Variants in DNAJC1 observed in about 807,000 individuals in gnomAD.
DNAJC1 encodes dnaJ homolog subfamily C member 1.
In DNAJC1, 58 loss-of-function variants were observed where a neutral mutation model predicts 76.6. That is an observed-to-expected ratio of 0.76 (90% CI 0.61 to 0.94). The LOEUF is 0.94. DNAJC1 is among the 40% of genes least tolerant of loss of function. The pLI, the probability that DNAJC1 is intolerant of heterozygous loss-of-function variation, is 0.00. For synonymous variants in DNAJC1, 258 were observed against 267.9 expected (o/e 0.96, Z 0.36); for missense variants, 689 against 677.3 (o/e 1.02, Z -0.19).
intron 8 of DNAJC1, among the ~76,000 whole-genome samples, chr10:21,826,620 A>G (rs577068838): frequency 6.6e-6 from 1 of 152,276 alleles, no homozygotes; most frequent in East Asian, 1.9e-4. Context: ...TTCTTCTACT[A>G]GTTTTATAAT....
chr10:21,832,848 T>TCA (rs1157751178), intron 8 of DNAJC1, among the ~76,000 whole-genome samples: 2 of 152,238 alleles, frequency 1.3e-5, no homozygotes, highest in African/African-American at 4.8e-5. Flanking sequence ...ATCTATGATT[T>TCA]GGCTGCGACC....
intron 7 of DNAJC1, among the ~76,000 whole-genome samples, chr10:21,886,048 T>C (rs76020117): frequency 0.014 from 2,143 of 151,756 alleles, 29 homozygotes; most frequent in Non-Finnish European, 0.022. Context: ...AATCCAAGAA[T>C]GGATTTTAAA....
intron 8 of DNAJC1, among the ~76,000 whole-genome samples, chr10:21,880,917 A>G (rs1466319768): frequency 6.6e-6 from 1 of 152,254 alleles, no homozygotes; most frequent in Non-Finnish European, 1.5e-5. Context: ...TTTTTCCAGC[A>G]GAAGGCTGTT....
chr10:21,907,994 T>C (rs886453938), intron 6 of DNAJC1, among the ~76,000 whole-genome samples: 1 of 116,048 alleles, frequency 8.6e-6, no homozygotes, highest in South Asian at 2.4e-4. Context: ...ATGAAATATA[T>C]ATGAAATATA....
intron 8 of DNAJC1, among the ~76,000 whole-genome samples, chr10:21,866,921 G>A (rs968996157): frequency 1.3e-5 from 2 of 152,042 alleles, no homozygotes; most frequent in Non-Finnish European, 2.9e-5. Context: ...AAGAATCAAT[G>A]GGTCAAGAAA....
rs371094379 is a variant in DNAJC1, at chr10:21,902,342, G to T, written c.820+2180C>A. Among the ~76,000 whole-genome samples the T allele has an allele frequency of 4.0e-5, 6 of 151,370 alleles. No homozygotes were observed. In the East Asian group the frequency reaches 1.2e-3, roughly 29 times the overall value. On this transcript the variant is annotated intron_variant, in intron 7 of 11. Coordinates refer to ENST00000376980, the MANE Select transcript of DNAJC1 (RefSeq NM_022365.4). Reference sequence around the variant, plus strand: ...TTAAAAGAGACTTTTTTTTTGAGACGGAGTCTTGCTCTGTCACCCAGGCAC... The same window carrying T: ...TTAAAAGAGACTTTTTTTTTGAGACTGAGTCTTGCTCTGTCACCCAGGCAC...
At chr10:21,806,249 AAT>A in intron 8 of DNAJC1, 150 bp from the exon 9 acceptor site, 1 of 867,410 alleles carries the variant, frequency 1.2e-6, no homozygotes, top group Non-Finnish European at 1.7e-6. Flanking sequence ...AATTGTATCT[AAT>A]AGTTTCAATA....
chr10:21,816,995 A>G (rs1835088180), intron 8 of DNAJC1, among the ~76,000 whole-genome samples: 1 of 148,438 alleles, frequency 6.7e-6, no homozygotes, highest in African/African-American at 2.5e-5. Context: ...TCTACTAAAA[A>G]TACAAAAAAA....
chr10:21,965,886 C>A (rs776054121), intron 1 of DNAJC1, among the ~76,000 whole-genome samples: 1 of 152,212 alleles, frequency 6.6e-6, no homozygotes, highest in Non-Finnish European at 1.5e-5. Context: ...CTTTCTTGCA[C>A]AAGATCCAAG....
chr10:21,825,069 G>A (rs977602672), intron 8 of DNAJC1, among the ~76,000 whole-genome samples: 3 of 151,994 alleles, frequency 2.0e-5, no homozygotes, highest in African/African-American at 7.3e-5. Flanking sequence ...AAGCTGCCAC[G>A]CCCGGCCAAC....
intron 8 of DNAJC1, among the ~76,000 whole-genome samples, chr10:21,831,941 G>GAT (rs1040375258): frequency 9.9e-5 from 15 of 152,016 alleles, no homozygotes; most frequent in South Asian, 2.1e-4. Context: ...GCTTTAGGTA[G>GAT]ATATATATAT....
chr10:21,960,713 G>A (rs552260690), intron 1 of DNAJC1, among the ~76,000 whole-genome samples: 122 of 152,238 alleles, frequency 8.0e-4, no homozygotes, highest in Admixed American at 2.1e-3. Context: ...GAAAACTACA[G>A]AAGGAGAAAA....
At chr10:21,926,765 A>G (rs1378621198) in intron 3 of DNAJC1, among the ~76,000 whole-genome samples, 1 of 152,220 alleles carries the variant, frequency 6.6e-6, no homozygotes, top group Non-Finnish European at 1.5e-5. Context: ...TAAATACTAC[A>G]GCTGTTTGTG....
rs558335718 is a variant in DNAJC1 at position 21,918,395 on chromosome 10, A to C, written c.729+384T>G. Among the ~76,000 whole-genome samples the C allele has an allele frequency of 3.3e-4, 47 of 141,162 alleles. 1 individual carries two copies. In the East Asian group the frequency reaches 7.1e-3, roughly 21 times the overall value. 92.6% of individuals were successfully genotyped at this position (141,162 alleles called of 152,430 possible). A position where few individuals can be genotyped will look rare whatever the true frequency, so the allele number is the denominator to read the frequency against. On this transcript the variant is annotated intron_variant, in intron 6 of 11. Coordinates refer to ENST00000376980, the MANE Select transcript of DNAJC1 (RefSeq NM_022365.4). ...GTAAAGTTTTTTTTTTTTTTTTTTA[A>C]CACTATGTACTTAAATGCTATTAAA...
chr10:21,994,448 T>C (rs1838380456), intron 1 of DNAJC1, among the ~76,000 whole-genome samples: 1 of 152,190 alleles, frequency 6.6e-6, no homozygotes, highest in Non-Finnish European at 1.5e-5. Flanking sequence ...CTGCACAACA[T>C]GGCTGTCATT....
At chr10:21,795,551 G>A (rs551468790) in intron 9 of DNAJC1, among the ~76,000 whole-genome samples, 1 of 152,316 alleles carries the variant, frequency 6.6e-6, no homozygotes, top group East Asian at 1.9e-4. Flanking sequence ...GAGAACAGGA[G>A]TGGGAAATGA....
chr10:21,775,701 C>G (rs1274464363), intron 9 of DNAJC1, among the ~76,000 whole-genome samples: 2 of 152,112 alleles, frequency 1.3e-5, no homozygotes, highest in African/African-American at 4.8e-5. Flanking sequence ...GTACATAATA[C>G]ATTTTTCAGC....
At chr10:21,909,955 T>C (rs1199898527) in intron 6 of DNAJC1, among the ~76,000 whole-genome samples, 2 of 152,160 alleles carry the variant, frequency 1.3e-5, no homozygotes, top group Non-Finnish European at 1.5e-5. Flanking sequence ...TTAATACAAA[T>C]AGTAAATGCT....
In DNAJC1 at chr10:21,955,185, T is replaced by C. The variant is rs969733992; in HGVS notation, c.223-26044A>G. Reference sequence around the variant, plus strand: ...TCACTGATATAAAATAAAAATTTAATCCGTTATAACATTGCAGGAACAAAT... The same window carrying C: ...TCACTGATATAAAATAAAAATTTAACCCGTTATAACATTGCAGGAACAAAT... On this transcript the variant is annotated intron_variant, in intron 1 of 11. Transcript: ENST00000376980. Among the ~76,000 whole-genome samples, 8 of 152,328 alleles carry C rather than the reference T, an allele frequency of 5.3e-5. No individual in the cohort carries two copies. In the South Asian group the frequency reaches 1.7e-3, roughly 32 times the overall value.
Sources: gnomAD v4.1 joint callset for allele counts (sites outside exome capture counted in the v4.1 genomes callset) on GRCh38, gnomAD v4.1.1 for gene constraint, MANE v1.5 for transcripts, NCBI Gene and HGNC (gene_info 2026-07-23, HGNC 2026-07-21) for gene names.